The following TNRC6B variants were observed in gnomAD, a reference collection of about 807,000 sequenced individuals.
TNRC6B encodes the protein trinucleotide repeat containing adaptor 6B, also known as trinucleotide repeat-containing gene 6B protein.
In TNRC6B, 52 loss-of-function variants were observed where a neutral mutation model predicts 203.6. The ratio of observed to expected loss-of-function variants is 0.26; its 90% CI spans 0.20 to 0.32. TNRC6B has a LOEUF of 0.32. Among genes scored for constraint, TNRC6B ranks in the 10% least tolerant of loss-of-function variants. The pLI is 1.00. For synonymous variants in TNRC6B, 838 were observed against 845.7 expected, an observed-to-expected ratio of 0.99 and a Z score of 0.16; for missense variants, 1,923 against 2,286.2, an observed-to-expected ratio of 0.84 and a Z score of 3.24.
At chr22:40,076,790 A>G (rs1048477931) in intron 1 of TNRC6B, among the ~76,000 whole-genome samples, 3 of 152,206 alleles carry the variant, frequency 2.0e-5, no homozygotes, top group African/African-American at 7.2e-5. Context: ...ACTTTCCACT[A>G]CTGTTTCTAA....
chr22:40,165,958 GGT>G (rs376436035), intron 4 of TNRC6B, among the ~76,000 whole-genome samples: 18 of 124,004 alleles, frequency 1.5e-4, no homozygotes, highest in African/African-American at 4.5e-4. Flanking sequence ...GTTATTGGGT[GGT>G]TTTTTTTGTT....
chr22:40,209,002 G>A (rs2069523267), intron 1 of TNRC6B, among the ~76,000 whole-genome samples: 1 of 152,146 alleles, frequency 6.6e-6, no homozygotes, highest in Non-Finnish European at 1.5e-5. Flanking sequence ...GCATGTGAAA[G>A]CACCGTCAAC....
At chr22:40,094,707 C>CATTG in intron 1 of TNRC6B, among the ~76,000 whole-genome samples, 1 of 152,202 alleles carries the variant, frequency 6.6e-6, no homozygotes. Context: ...TTTAGCATTT[C>CATTG]ATTGGTAAGC....
chr22:40,268,110 CAG>C (rs1487217728), intron 5 of TNRC6B, among the ~76,000 whole-genome samples: 1 of 152,056 alleles, frequency 6.6e-6, no homozygotes, highest in Non-Finnish European at 1.5e-5. Context: ...TTTTTTGAGA[CAG>C]AGTCTCACTC....
chr22:40,314,458 C>T (rs2071229647), intron 19 of TNRC6B, among the ~76,000 whole-genome samples: 1 of 152,214 alleles, frequency 6.6e-6, no homozygotes, highest in Non-Finnish European at 1.5e-5. Context: ...CCTCCTTTAC[C>T]TCTCTGCCCC....
chr22:40,143,809 T>A (rs537210542), intron 3 of TNRC6B, among the ~76,000 whole-genome samples: 33 of 152,186 alleles, frequency 2.2e-4, no homozygotes, highest in Non-Finnish European at 4.3e-4. Flanking sequence ...AATACATCTT[T>A]CTAATAAAAG....
intron 1 of TNRC6B, among the ~76,000 whole-genome samples, chr22:40,054,344 C>G (rs988405757): frequency 1.8e-4 from 28 of 152,322 alleles, no homozygotes; most frequent in Admixed American, 1.8e-3. Flanking sequence ...TGTCTTCCCC[C>G]TTGCTGAGTG....
chr22:40,299,158 CAAAAAAAA>C (rs796432826), intron 12 of TNRC6B, among the ~76,000 whole-genome samples: 2 of 103,092 alleles, frequency 1.9e-5, no homozygotes, highest in South Asian at 3.0e-4. Flanking sequence ...AAAAAAAAAA[CAAAAAAAA>C]AAAAAAAACA....
intron 3 of TNRC6B, among the ~76,000 whole-genome samples, chr22:40,141,022 T>G (rs2068639778): frequency 6.6e-6 from 1 of 152,104 alleles, no homozygotes. Context: ...AATTTTAAGA[T>G]GTAGCAAAGT....
At chr22:40,159,502 G>A (rs2068852725) in intron 4 of TNRC6B, among the ~76,000 whole-genome samples, 5 of 151,630 alleles carry the variant, frequency 3.3e-5, no homozygotes, top group African/African-American at 1.2e-4. Context: ...AGCCATGCAT[G>A]GTGGCGGGCG....
In TNRC6B at chr22:40,265,003, T is replaced by A; in HGVS notation, c.773T>A (p.Val258Asp). The A allele has an allele frequency of 6.2e-7, 1 of 1,613,902 alleles. No homozygotes were observed. The highest frequency in any genetic ancestry group is 1.1e-5 in the South Asian group (1 of 91,068). Residue 258 changes from valine to aspartate, a missense_variant, in exon 5 of 23, where the codon GTC (valine) becomes GAC (aspartate). Coordinates refer to ENST00000454349, the MANE Select transcript of TNRC6B (RefSeq NM_001162501.2). ...ASSGNECNLG[V>D]WKSDPKAKSV... ...TCTGGGAACGAATGTAATCTTGGGGTCTGGAAATCTGACCCTAAGGCTAAA... is the reference window on the plus strand; with the variant it reads ...TCTGGGAACGAATGTAATCTTGGGGACTGGAAATCTGACCCTAAGGCTAAA...
chr22:40,243,697 G>T (rs575498085), intron 1 of TNRC6B, among the ~76,000 whole-genome samples: 1 of 151,826 alleles, frequency 6.6e-6, no homozygotes, highest in Admixed American at 6.6e-5. Flanking sequence ...CGATTTTCCC[G>T]CCTCCGCCTC....
chr22:40,064,046 G>T (rs2067875811), intron 1 of TNRC6B, among the ~76,000 whole-genome samples: 1 of 152,166 alleles, frequency 6.6e-6, no homozygotes, highest in African/African-American at 2.4e-5. Context: ...TTTATTTTTG[G>T]TTTATTCACT....
At chr22:40,272,300 C>T (rs1372505188) in intron 6 of TNRC6B, among the ~76,000 whole-genome samples, 1 of 152,178 alleles carries the variant, frequency 6.6e-6, no homozygotes, top group Non-Finnish European at 1.5e-5. Flanking sequence ...TCACCTGGGC[C>T]TTGCTAGGGG....
At chr22:40,315,194 T>G in intron 19 of TNRC6B, 89 bp from the exon 20 acceptor site, 1 of 969,794 alleles carries the variant, frequency 1.0e-6, no homozygotes, top group East Asian at 2.5e-5. Context: ...GTGCATGTAT[T>G]TATGTGTATG....
At chr22:40,115,279 G>A (rs1601822812) in intron 1 of TNRC6B, among the ~76,000 whole-genome samples, 1 of 152,284 alleles carries the variant, frequency 6.6e-6, no homozygotes, top group East Asian at 1.9e-4. Context: ...TAACCTAAGC[G>A]GGAAACTTTA....
intron 1 of TNRC6B, among the ~76,000 whole-genome samples, chr22:40,079,788 T>A (rs2068050084): frequency 6.6e-6 from 1 of 151,662 alleles, no homozygotes; most frequent in South Asian, 2.1e-4. Flanking sequence ...CTGGCTAATT[T>A]TTTTTTTATT....
intron 1 of TNRC6B, among the ~76,000 whole-genome samples, chr22:40,201,142 T>G (rs1056802306): frequency 6.6e-6 from 1 of 152,188 alleles, no homozygotes; most frequent in Admixed American, 6.5e-5. Flanking sequence ...ATTCGTACTT[T>G]TATAAATCTA....
At position 40,122,173 on chromosome 22, in the gene TNRC6B, C is replaced by T. The variant is rs8136311; in HGVS notation, c.-46-3599C>T. On this transcript the variant is annotated intron_variant, in intron 2 of 23. Coordinates refer to the TNRC6B transcript ENST00000301923. Reference sequence around the variant, plus strand: ...GACTGGGCTCTCTATATTTTGGTCTCCCAAATGTCCTCCTTTTTAAAAGCT... The same window carrying T: ...GACTGGGCTCTCTATATTTTGGTCTTCCAAATGTCCTCCTTTTTAAAAGCT... Among the ~76,000 whole-genome samples the T allele has an allele frequency of 5.0e-3, 768 of 152,276 alleles. 5 individuals are homozygous for T. Among genetic ancestry groups the T allele is most frequent in the African/African-American group, 0.018 (736 of 41,556 alleles).
Sources: allele counts gnomAD v4.1 joint callset (sites outside exome capture counted in the v4.1 genomes callset), GRCh38; gene constraint gnomAD v4.1.1; transcripts MANE v1.5; gene names NCBI Gene and HGNC (gene_info 2026-07-23, HGNC 2026-07-21).